Variants in CADPS observed in about 807,000 individuals in gnomAD.
CADPS encodes calcium-dependent secretion activator 1.
CADPS carries 57 observed loss-of-function variants against 167.3 expected under a neutral mutation model. The observed-to-expected ratio is 0.34, with a 90% CI of 0.28 to 0.42. The LOEUF (loss-of-function observed/expected upper bound fraction) is 0.42. Among genes scored for constraint, CADPS ranks in the 20% least tolerant of loss-of-function variants. CADPS has a pLI of 1.00. For missense variants in CADPS, 1,414 were observed against 1,738.1 expected, an observed-to-expected ratio of 0.81 and a Z score of 3.32; for synonymous variants, 676 against 635.3, an observed-to-expected ratio of 1.06 and a Z score of -0.96.
At chr3:62,660,777 A>G (rs944010194) in intron 4 of CADPS, among the ~76,000 whole-genome samples, 1 of 152,126 alleles carries the variant, frequency 6.6e-6, no homozygotes, top group Non-Finnish European at 1.5e-5. Flanking sequence ...TTTATATTTT[A>G]TTCTTCATGG....
At chr3:62,873,526 TC>T (rs1254970413) in intron 1 of CADPS, among the ~76,000 whole-genome samples, 2 of 152,056 alleles carry the variant, frequency 1.3e-5, no homozygotes, top group Non-Finnish European at 2.9e-5. Context: ...TGCCTGCTTT[TC>T]TTCTGTCCCC....
intron 1 of CADPS, among the ~76,000 whole-genome samples, chr3:62,850,062 T>C (rs1419968383): frequency 5.4e-5 from 6 of 110,654 alleles, no homozygotes; most frequent in South Asian, 7.5e-4. Flanking sequence ...AGTTTATTTG[T>C]GTAGAGGTGT....
At chr3:62,692,508 C>T (rs1017946484) in intron 3 of CADPS, among the ~76,000 whole-genome samples, 2 of 152,042 alleles carry the variant, frequency 1.3e-5, no homozygotes, top group African/African-American at 4.8e-5. Context: ...TATTTGTTGG[C>T]CCAGGAGATA....
chr3:62,725,651 A>G (rs1207925379), intron 3 of CADPS, among the ~76,000 whole-genome samples: 1 of 149,888 alleles, frequency 6.7e-6, no homozygotes, highest in East Asian at 1.9e-4. Flanking sequence ...GGTATACAGG[A>G]AACACCGGTA....
At chr3:62,564,321 G>T (rs999860896) in intron 9 of CADPS, among the ~76,000 whole-genome samples, 2 of 152,010 alleles carry the variant, frequency 1.3e-5, no homozygotes, top group African/African-American at 4.8e-5. Context: ...TTCATATTTG[G>T]CTGCTTACAA....
intron 1 of CADPS, among the ~76,000 whole-genome samples, chr3:62,865,159 C>G (rs1008503149): frequency 6.6e-6 from 1 of 152,094 alleles, no homozygotes. Flanking sequence ...TTTGCTTAAA[C>G]AACTCTATGC....
chr3:62,520,831 G>C (rs1192695704), intron 13 of CADPS, among the ~76,000 whole-genome samples: 1 of 152,112 alleles, frequency 6.6e-6, no homozygotes, highest in Non-Finnish European at 1.5e-5. Flanking sequence ...AAAGCAAAAG[G>C]ATCCCTTTTT....
intron 6 of CADPS, among the ~76,000 whole-genome samples, chr3:62,631,940 T>A (rs540361557): frequency 6.6e-6 from 1 of 152,308 alleles, no homozygotes; most frequent in African/African-American, 2.4e-5. Context: ...GTTGAGCAGA[T>A]GTGATGTATT....
At chr3:62,752,486 C>T (rs933667031) in intron 3 of CADPS, among the ~76,000 whole-genome samples, 1 of 152,154 alleles carries the variant, frequency 6.6e-6, no homozygotes. Flanking sequence ...TAAGACCCTA[C>T]CTACTAGTTA....
At chr3:62,816,405 C>T (rs993738315) in intron 1 of CADPS, among the ~76,000 whole-genome samples, 1 of 151,826 alleles carries the variant, frequency 6.6e-6, no homozygotes, top group African/African-American at 2.4e-5. Flanking sequence ...TCTCCCCCAC[C>T]CAGGAAAGTA....
Position 62,491,453 on chromosome 3 carries a change from T to C in CADPS, c.2912A>G (p.Lys971Arg). Residue 971 changes from lysine (K) to arginine (R), a missense_variant, in exon 21 of 30, where the codon AAA (lysine) becomes AGA (arginine). By Grantham distance (26) the Lys-to-Arg change is conservative. Coordinates refer to ENST00000383710, the MANE Select transcript of CADPS (RefSeq NM_003716.4). ...TGGGGCAAACAGGTCTTGCAGGTGT[T>C]TGTGAAATTTTCCATTGCACAAATT... ...DYNLCNGKFH[K>R]HLQDLFAPLV... The C allele has an allele frequency of 1.9e-6, 3 of 1,613,918 alleles. No individual in the cohort carries two copies. The highest frequency in any genetic ancestry group is 2.5e-6 in the Non-Finnish European group (3 of 1,179,964).
intron 3 of CADPS, among the ~76,000 whole-genome samples, chr3:62,704,208 A>G (rs1482511928): frequency 6.6e-6 from 1 of 152,184 alleles, no homozygotes; most frequent in African/African-American, 2.4e-5. Context: ...TGCAGAAAAT[A>G]AAATAGGGTT....
intron 4 of CADPS, among the ~76,000 whole-genome samples, chr3:62,661,096 T>A (rs2073094535): frequency 6.6e-6 from 1 of 152,178 alleles, no homozygotes; most frequent in African/African-American, 2.4e-5. Flanking sequence ...CTAATATGAC[T>A]GGCATGACTA....
chr3:62,818,817 T>C (rs187790570), intron 1 of CADPS, among the ~76,000 whole-genome samples: 6 of 152,188 alleles, frequency 3.9e-5, no homozygotes, highest in East Asian at 1.9e-4. Flanking sequence ...AATTGTGTTA[T>C]AGCCAAACAA....
intron 3 of CADPS, among the ~76,000 whole-genome samples, chr3:62,751,221 T>C (rs985391472): frequency 6.6e-6 from 1 of 152,210 alleles, no homozygotes; most frequent in African/African-American, 2.4e-5. Flanking sequence ...ATACTTTTGT[T>C]TGCCAATACA....
chr3:62,546,690 T>A (rs772227667), intron 11 of CADPS, among the ~76,000 whole-genome samples: 2 of 152,176 alleles, frequency 1.3e-5, no homozygotes, highest in Non-Finnish European at 2.9e-5. Flanking sequence ...TTTTTGGTCA[T>A]TATTCCCTGA....
At chr3:62,439,292 A>C (rs2055809994) in intron 27 of CADPS, 1 of 152,204 alleles carries the variant, frequency 6.6e-6, no homozygotes, top group Non-Finnish European at 1.5e-5. Context: ...AAAATGAGGA[A>C]GGTTTAGAAA....
intron 26 of CADPS, among the ~76,000 whole-genome samples, chr3:62,456,461 C>G (rs2058689644): frequency 6.6e-6 from 1 of 152,046 alleles, no homozygotes; most frequent in Non-Finnish European, 1.5e-5. Context: ...AGCCTGAAGC[C>G]TCCCCGTCCT....
intron 5 of CADPS, among the ~76,000 whole-genome samples, chr3:62,649,880 G>A (rs536374136): frequency 4.6e-4 from 70 of 152,060 alleles, no homozygotes; most frequent in African/African-American, 1.4e-3. Flanking sequence ...GTATTTTTGA[G>A]GTTCATCCAT....
Sources: allele counts gnomAD v4.1 joint callset (sites outside exome capture counted in the v4.1 genomes callset), GRCh38; gene constraint gnomAD v4.1.1; transcripts MANE v1.5; gene names NCBI Gene and HGNC (gene_info 2026-07-23, HGNC 2026-07-21).